Variants in DCC observed in about 807,000 individuals in gnomAD.
DCC encodes DCC netrin 1 receptor, also known as netrin receptor DCC.
Under a neutral mutation model 172.5 loss-of-function variants are expected in DCC, and 58 were observed. That is an observed-to-expected ratio of 0.34 (90% confidence interval 0.27 to 0.42). DCC has a LOEUF of 0.42. DCC is among the 10% of genes least tolerant of loss of function. DCC has a pLI of 1.00. For synonymous variants in DCC, 709 were observed against 644.5 expected (o/e 1.10, Z -1.52); for missense variants, 1,740 against 1,791.0 (o/e 0.97, Z 0.51).
Position 52,596,335 on chromosome 18 carries a change from T to C in DCC, c.92-155719T>C, listed in dbSNP as rs557542994. Among the ~76,000 whole-genome samples the C allele has an allele frequency of 2.0e-4, 31 of 152,292 alleles. No individual in the cohort carries two copies. In the South Asian group the frequency reaches 6.2e-3, roughly 31 times the overall value. ...TGTGTATTGCTACTTCAAGTGGTGA[T>C]CTAAATTAGACTAACTCACTGGTGA... On this transcript the variant is annotated intron_variant, in intron 1 of 28. Coordinates refer to ENST00000442544, the MANE Select transcript of DCC (RefSeq NM_005215.4).
At chr18:52,762,756 G>A (rs367814575) in intron 2 of DCC, among the ~76,000 whole-genome samples, 130 of 152,076 alleles carry the variant, frequency 8.5e-4, no homozygotes, top group African/African-American at 3.1e-3. Context: ...CCAGGAGTTT[G>A]AGGCTGCAAT....
chr18:53,428,309 TATA>T lies in DCC; in HGVS notation c.3164-6831_3164-6829del, dbSNP rs1426166682. ...ATATAGAATATAATAATATATAGAA[TATA>T]ATATATAATATAATATAATATATTG... On this transcript the variant is annotated intron_variant, in intron 21 of 28. Coordinates refer to ENST00000442544, the MANE Select transcript of DCC (RefSeq NM_005215.4). 4.6e-4 allele frequency among the ~76,000 whole-genome samples: 13 copies of T among 28,394 alleles called. 2 individuals carry two copies. Among genetic ancestry groups the T allele is most frequent in the African/African-American group, 1.1e-3 (12 of 11,364 alleles). The allele number at this position is 28,394 out of a possible 152,430, so 18.6% of individuals were successfully genotyped here. A position where few individuals can be genotyped will look rare whatever the true frequency, so the allele number is the denominator to read the frequency against.
intron 1 of DCC, among the ~76,000 whole-genome samples, chr18:52,746,926 G>A (rs904941005): frequency 6.6e-6 from 1 of 151,142 alleles, no homozygotes; most frequent in African/African-American, 2.4e-5. Flanking sequence ...AAAAAAAAAG[G>A]AGGAGAAGAA....
At chr18:53,518,481 A>G (rs1328348976) in intron 27 of DCC, among the ~76,000 whole-genome samples, 1 of 152,140 alleles carries the variant, frequency 6.6e-6, no homozygotes, top group African/African-American at 2.4e-5. Context: ...TGGCAGTCCT[A>G]TGTTATGTAC....
At chr18:53,060,115 T>A (rs2042472381) in intron 5 of DCC, among the ~76,000 whole-genome samples, 2 of 152,114 alleles carry the variant, frequency 1.3e-5, no homozygotes, top group Admixed American at 6.6e-5. Context: ...GCGATTCTCA[T>A]GCCTCAGCCT....
At chr18:53,199,654 A>C (rs2055505068) in intron 9 of DCC, among the ~76,000 whole-genome samples, 1 of 151,982 alleles carries the variant, frequency 6.6e-6, no homozygotes, top group African/African-American at 2.4e-5. Context: ...AATATTAGGG[A>C]AATAATGAAT....
At chr18:53,447,341 C>T (rs1040864515) in intron 22 of DCC, among the ~76,000 whole-genome samples, 9 of 152,026 alleles carry the variant, frequency 5.9e-5, no homozygotes, top group Non-Finnish European at 1.3e-4. Context: ...TAATGAAAGA[C>T]CTTGAATACA....
rs1031756264 is a variant in DCC, at chr18:53,179,966, A to G, written c.1573+850A>G. Among the ~76,000 whole-genome samples, 8 of 152,216 alleles carry G rather than the reference A, an allele frequency of 5.3e-5. No individual in the cohort carries two copies. The South Asian group carries it at 6.2e-4, about 12-fold the overall frequency. The stretch of plus-strand genomic sequence containing the variant: ...ACCTAACTGTACCTGTTTCCTTTTT[A>G]TATAACAAAATTTGTAATGATATTT... On this transcript the variant is annotated intron_variant, in intron 9 of 28. Transcript: ENST00000442544.
intron 12 of DCC, among the ~76,000 whole-genome samples, chr18:53,248,607 G>A (rs1344873009): frequency 6.6e-6 from 1 of 152,000 alleles, no homozygotes; most frequent in Non-Finnish European, 1.5e-5. Context: ...GCTGGCTCCT[G>A]TCATGTGTGA....
intron 12 of DCC, among the ~76,000 whole-genome samples, chr18:53,258,649 G>T (rs1321106775): frequency 6.6e-6 from 1 of 152,158 alleles, no homozygotes; most frequent in Admixed American, 6.5e-5. Context: ...GTCAGTTTTG[G>T]AATAGGTGTG....
At chr18:53,448,061 T>TTG (rs1912738315) in intron 22 of DCC, among the ~76,000 whole-genome samples, 1 of 149,720 alleles carries the variant, frequency 6.7e-6, no homozygotes, top group African/African-American at 2.5e-5. Flanking sequence ...TTTTTTTTTT[T>TTG]TTTTTTTTTA....
chr18:52,955,451 C>T (rs368358449), intron 5 of DCC, among the ~76,000 whole-genome samples: 9 of 151,574 alleles, frequency 5.9e-5, no homozygotes, highest in African/African-American at 9.7e-5. Flanking sequence ...ATTTACCTAT[C>T]GAGGGGCATC....
chr18:53,161,925 A>G lies in DCC; in HGVS notation c.1418+4413A>G, dbSNP rs979731905. ...TTATATTCTGAGCTGAGTTATGGAA[A>G]TAAAGTATTTCATCATATTATTCTG... On this transcript the variant is annotated intron_variant, in intron 8 of 28. Coordinates refer to ENST00000442544, the MANE Select transcript of DCC (RefSeq NM_005215.4). Among the ~76,000 whole-genome samples the G allele has an allele frequency of 1.2e-4, 19 of 152,232 alleles. 1 individual carries two copies. The highest frequency in any genetic ancestry group is 1.2e-3 in the Admixed American group (19 of 15,286).
intron 5 of DCC, among the ~76,000 whole-genome samples, chr18:52,978,443 G>A (rs1323244253): frequency 1.3e-5 from 2 of 152,328 alleles, no homozygotes; most frequent in Middle Eastern, 3.4e-3. Context: ...AAACTGCATA[G>A]AGGCCGAGTA....
In DCC at chr18:52,762,169, A is replaced by T. The variant is rs530756377; in HGVS notation, c.412+9795A>T. Among the ~76,000 whole-genome samples, 18 of 152,242 alleles carry T rather than the reference A, an allele frequency of 1.2e-4. No homozygotes were observed. In the South Asian group the frequency reaches 3.7e-3, roughly 32 times the overall value. On this transcript the variant is annotated intron_variant, in intron 2 of 28. Transcript: ENST00000442544. ...TCCCAATGAGCATGTGTCAGAGAAA[A>T]GTCACATTTAAATAGTTTGATAGGC...
intron 3 of DCC, among the ~76,000 whole-genome samples, chr18:52,908,091 T>C (rs1477320052): frequency 1.3e-5 from 2 of 152,214 alleles, no homozygotes; most frequent in East Asian, 1.9e-4. Context: ...TGGAACTGAC[T>C]ACATCTCAAA....
rs1456005657 is a variant in DCC at position 53,049,497 on chromosome 18, T to C, written c.986-13808T>C. Among the ~76,000 whole-genome samples, 3 of 151,978 alleles carry C rather than the reference T, an allele frequency of 2.0e-5. No homozygotes were observed. The East Asian group carries it at 5.8e-4, about 29-fold the overall frequency. On this transcript the variant is annotated intron_variant, in intron 5 of 28. Transcript: ENST00000442544. Reference sequence around the variant, plus strand: ...TGTAGTAGTAGTAACTGGTGGTAAGTATGCAGCATTATTTCTGGGCTCTCT... The same window carrying C: ...TGTAGTAGTAGTAACTGGTGGTAAGCATGCAGCATTATTTCTGGGCTCTCT...
At chr18:52,878,645 C>T (rs575595043) in intron 2 of DCC, among the ~76,000 whole-genome samples, 92 of 152,288 alleles carry the variant, frequency 6.0e-4, no homozygotes, top group African/African-American at 2.0e-3. Flanking sequence ...ATTATTTTCT[C>T]TCACATGTTA....
At chr18:53,305,056 G>A (rs1370378775) in intron 12 of DCC, among the ~76,000 whole-genome samples, 1 of 152,136 alleles carries the variant, frequency 6.6e-6, no homozygotes, top group Non-Finnish European at 1.5e-5. Context: ...TCCCTTGCCT[G>A]CTGCCATGTA....
Sources: gnomAD v4.1 joint callset for allele counts (sites outside exome capture counted in the v4.1 genomes callset) on GRCh38, gnomAD v4.1.1 for gene constraint, MANE v1.5 for transcripts, NCBI Gene and HGNC (gene_info 2026-07-23, HGNC 2026-07-21) for gene names.